Variants in OSBPL3 observed in about 807,000 individuals in gnomAD.
OSBPL3 encodes oxysterol-binding protein-related protein 3.
In OSBPL3, 65 loss-of-function variants were observed where a neutral mutation model predicts 120.1. The ratio of observed to expected loss-of-function variants is 0.54; its 90% confidence interval spans 0.44 to 0.67. The LOEUF (loss-of-function observed/expected upper bound fraction) is 0.67. Ranked by LOEUF, OSBPL3 falls within the 30% of genes least tolerant of loss-of-function variation. OSBPL3 has a pLI of 0.00. For missense variants in OSBPL3, 1,004 were observed against 1,082.1 expected (o/e 0.93, Z 1.01); for synonymous variants, 416 against 402.6 (o/e 1.03, Z -0.40).
intron 1 of OSBPL3, among the ~76,000 whole-genome samples, chr7:24,974,417 T>C (rs1380540807): frequency 6.6e-6 from 1 of 152,252 alleles, no homozygotes; most frequent in Non-Finnish European, 1.5e-5. Flanking sequence ...TTTTGCTGAC[T>C]GCAACATAAT....
At chr7:24,962,350 CAAAG>C (rs1815848567) in intron 1 of OSBPL3, among the ~76,000 whole-genome samples, 2 of 138,808 alleles carry the variant, frequency 1.4e-5, no homozygotes, top group Admixed American at 8.1e-5. Flanking sequence ...AGAAAGACAG[CAAAG>C]AAAGAAAAAG....
chr7:24,967,326 G>T lies in OSBPL3; in HGVS notation c.-150+12560C>A, dbSNP rs1584756096. Among the ~76,000 whole-genome samples the T allele has an allele frequency of 6.6e-6, 1 of 152,172 alleles. No homozygotes were observed. The highest frequency in any genetic ancestry group is 1.9e-4 in the East Asian group (1 of 5,194). ...TCCCATGAATTCTTACCCTACAGCT[G>T]CAAGGGATAACACTGTTTTCACCTT... On this transcript the variant is annotated intron_variant, in intron 1 of 22. Coordinates refer to ENST00000313367, the MANE Select transcript of OSBPL3 (RefSeq NM_015550.4). This position sits in a 1 kb window ranked among gnomAD's most constrained non-coding sequence, Gnocchi z 5.6.
At chr7:24,973,907 A>G (rs1817296163) in intron 1 of OSBPL3, among the ~76,000 whole-genome samples, 1 of 152,236 alleles carries the variant, frequency 6.6e-6, no homozygotes, top group East Asian at 1.9e-4. Flanking sequence ...TGCACTGCCC[A>G]GCTGAAATGT....
Position 24,818,503 on chromosome 7 carries a change from ATAT to A in OSBPL3, c.1948+1669_1948+1671del. Among the ~76,000 whole-genome samples, 2 of 152,340 alleles carry A rather than the reference ATAT, an allele frequency of 1.3e-5. No homozygotes were observed. ...AATCTCACTATATGAAACTGGCATAATATTATTTGATGATATTAAAAATATATA... is the reference window on the plus strand; with the variant it reads ...AATCTCACTATATGAAACTGGCATAATATTTGATGATATTAAAAATATATA... On this transcript the variant is annotated intron_variant, in intron 17 of 22. Transcript: ENST00000313367. The surrounding 1 kb of genome is among the most constrained non-coding windows in gnomAD (Gnocchi z 4.0).
At chr7:24,974,208 C>G (rs1046976501) in intron 1 of OSBPL3, among the ~76,000 whole-genome samples, 2 of 152,188 alleles carry the variant, frequency 1.3e-5, no homozygotes, top group South Asian at 4.1e-4. Flanking sequence ...ATTCATCACC[C>G]AGTTTCAACG....
Position 24,877,409 on chromosome 7 carries a change from A to G in OSBPL3, c.97-5340T>C, listed in dbSNP as rs1803002340. On this transcript the variant is annotated intron_variant, in intron 2 of 22. Coordinates refer to ENST00000313367, the MANE Select transcript of OSBPL3 (RefSeq NM_015550.4). The surrounding 1 kb of genome is among the most constrained non-coding windows in gnomAD (Gnocchi z 4.8). ...AAGTCTTCGCCATTCATTTTTTTTC[A>G]TATTTGGAAAGCCTGCCCCATCTAC... Among the ~76,000 whole-genome samples the G allele has an allele frequency of 6.6e-6, 1 of 151,960 alleles. No homozygotes were observed. Among genetic ancestry groups the G allele is most frequent in the African/African-American group, 2.4e-5 (1 of 41,394 alleles).
At chr7:24,902,202 T>G (rs1040838201) in intron 1 of OSBPL3, among the ~76,000 whole-genome samples, 1 of 152,220 alleles carries the variant, frequency 6.6e-6, no homozygotes, top group African/African-American at 2.4e-5. Flanking sequence ...GTGTAGGATG[T>G]ACTGGTCACT....
chr7:24,842,159 A>G, intron 13 of OSBPL3, 120 bp downstream of exon 13: 1 of 1,003,358 alleles, frequency 1.0e-6, no homozygotes, highest in Non-Finnish European at 1.5e-6. Flanking sequence ...CTCAGAACAT[A>G]ATGACTACAA....
chr7:24,892,024 C>T (rs1308864981), intron 2 of OSBPL3, among the ~76,000 whole-genome samples: 4 of 152,172 alleles, frequency 2.6e-5, no homozygotes, highest in Non-Finnish European at 4.4e-5. Flanking sequence ...GCCAAACAGA[C>T]TGAGCTTTGC....
rs1816379210 is a variant in OSBPL3 at position 24,966,359 on chromosome 7, C to T, written c.-150+13527G>A. On this transcript the variant is annotated intron_variant, in intron 1 of 22. Coordinates refer to ENST00000313367, the MANE Select transcript of OSBPL3 (RefSeq NM_015550.4). This position sits in a 1 kb window ranked among gnomAD's most constrained non-coding sequence, Gnocchi z 4.8. Reference sequence around the variant, plus strand: ...GTCATCTAATATAAAGATCTATCTACACCTAGCTACACACACCCAGGAAAA... The same window carrying T: ...GTCATCTAATATAAAGATCTATCTATACCTAGCTACACACACCCAGGAAAA... 6.6e-6 allele frequency among the ~76,000 whole-genome samples: 1 copy of T among 152,238 alleles called. No individual in the cohort carries two copies. The highest frequency in any genetic ancestry group is 6.5e-5 in the Admixed American group (1 of 15,290).
intron 15 of OSBPL3, among the ~76,000 whole-genome samples, chr7:24,832,737 A>C (rs1180605785): frequency 6.6e-6 from 1 of 152,168 alleles, no homozygotes; most frequent in Admixed American, 6.5e-5. Context: ...ACCTAGTGCC[A>C]TTCATGATGT....
chr7:24,874,282 T>C (rs1482094719), intron 2 of OSBPL3, among the ~76,000 whole-genome samples: 1 of 152,202 alleles, frequency 6.6e-6, no homozygotes, highest in African/African-American at 2.4e-5. Context: ...ATCCAAGACT[T>C]AAAATCCTCT....
At chr7:24,943,521 G>T (rs1291576959) in intron 1 of OSBPL3, among the ~76,000 whole-genome samples, 1 of 152,092 alleles carries the variant, frequency 6.6e-6, no homozygotes, top group Non-Finnish European at 1.5e-5. Context: ...TGCTTTGGTG[G>T]GATATTTTAA....
In OSBPL3 at chr7:24,820,695, T is replaced by G. The variant is rs1795016932; in HGVS notation, c.1885-457A>C. ...AGTATTTTAAATGCAACCCAAAATG[T>G]TCTTCCTCGGGCTCAGCCAATTTAA... On this transcript the variant is annotated intron_variant, in intron 16 of 22. Transcript: ENST00000313367. This position sits in a 1 kb window ranked among gnomAD's most constrained non-coding sequence, Gnocchi z 4.6. Among the ~76,000 whole-genome samples the G allele has an allele frequency of 6.6e-6, 1 of 152,150 alleles. No homozygotes were observed. The highest frequency in any genetic ancestry group is 2.4e-5 in the African/African-American group (1 of 41,416).
Position 24,948,483 on chromosome 7 carries a change from G to A in OSBPL3, c.-150+31403C>T, listed in dbSNP as rs146038893. On this transcript the variant is annotated intron_variant, in intron 1 of 22. Transcript: ENST00000313367. The stretch of plus-strand genomic sequence containing the variant: ...CTGAGTCACTGAAAAAGCTTTCAGA[G>A]GCTAAATGATGTCCATCAGCAAAGT... 8.5e-3 allele frequency among the ~76,000 whole-genome samples: 1,292 copies of A among 152,204 alleles called. 17 individuals are homozygous for A. The highest frequency in any genetic ancestry group is 0.029 in the African/African-American group (1,224 of 41,522).
At chr7:24,923,430 G>T (rs547075943) in intron 1 of OSBPL3, among the ~76,000 whole-genome samples, 2 of 152,346 alleles carry the variant, frequency 1.3e-5, no homozygotes, top group East Asian at 3.9e-4. Context: ...GAACGTGGAA[G>T]TATTTCGAAG....
intron 16 of OSBPL3, among the ~76,000 whole-genome samples, chr7:24,829,057 C>G (rs781482361): frequency 6.6e-6 from 1 of 152,168 alleles, no homozygotes; most frequent in Non-Finnish European, 1.5e-5. Flanking sequence ...TGGCCCTGTC[C>G]CACCAGGGCT....
chr7:24,892,427 A>T lies in OSBPL3; in HGVS notation c.46T>A (p.Ser16Thr). The change falls in exon 2 of 23, where the codon TCA (serine) becomes ACA (threonine). Residue 16 changes from serine to threonine, a missense_variant. Ser to Thr is a moderately conservative substitution (Grantham distance 58, BLOSUM62 1). Coordinates refer to ENST00000313367, the MANE Select transcript of OSBPL3 (RefSeq NM_015550.4). ...CAGCTACTTGTGCTCCTTGAAGGTGATACCAATTTTTGGGACACACCAAGG... is the reference window on the plus strand; with the variant it reads ...CAGCTACTTGTGCTCCTTGAAGGTGTTACCAATTTTTGGGACACACCAAGG... ...KNLGVSQKLV[S>T]PSRSTSSCSS... The T allele has an allele frequency of 6.2e-7, 1 of 1,613,844 alleles. No individual in the cohort carries two copies. The highest frequency in any genetic ancestry group is 8.5e-7 in the Non-Finnish European group (1 of 1,179,778).
intron 11 of OSBPL3, among the ~76,000 whole-genome samples, chr7:24,850,937 C>T (rs1020520275): frequency 5.3e-5 from 8 of 152,192 alleles, no homozygotes; most frequent in African/African-American, 1.7e-4. Context: ...TCGGTTTTAT[C>T]TGAAGTTTCC....
Sources: allele counts gnomAD v4.1 joint callset (sites outside exome capture counted in the v4.1 genomes callset), GRCh38; gene constraint gnomAD v4.1.1; non-coding constraint Gnocchi (gnomAD v3.1); transcripts MANE v1.5; gene names NCBI Gene and HGNC (gene_info 2026-07-23, HGNC 2026-07-21).